EDEM2: variants seen among roughly 807,000 people sequenced by gnomAD.
EDEM2 encodes ER degradation-enhancing alpha-mannosidase-like protein 2.
A neutral mutation model predicts 64.8 loss-of-function variants in EDEM2; 39 were observed. That is an observed-to-expected ratio of 0.60 (90% CI 0.47 to 0.79). EDEM2 has a LOEUF of 0.79. Among genes scored for constraint, EDEM2 ranks in the 30% least tolerant of loss-of-function variants. The pLI is 0.00. For synonymous variants in EDEM2, 296 were observed against 291.5 expected, an observed-to-expected ratio of 1.02 and a Z score of -0.16; for missense variants, 609 against 731.3, an observed-to-expected ratio of 0.83 and a Z score of 1.93.
intron 10 of EDEM2, chr20:35,117,199 T>C (rs1372463522): frequency 2.6e-5 from 4 of 152,216 alleles, no homozygotes; most frequent in African/African-American, 7.2e-5. Flanking sequence ...ACTATTGACA[T>C]TGTTTTAGTA....
chr20:35,131,963 C>T (rs1204747651), intron 6 of EDEM2, among the ~76,000 whole-genome samples, 180 bp from the exon 7 acceptor site: 1 of 152,206 alleles, frequency 6.6e-6, no homozygotes, highest in African/African-American at 2.4e-5. Flanking sequence ...TCCTGTACAT[C>T]TGCATAGTAG....
intron 10 of EDEM2, 21 bp downstream of exon 10, chr20:35,118,577 T>G (rs1328871713): frequency 3.7e-6 from 6 of 1,613,710 alleles, no homozygotes; most frequent in African/African-American, 1.3e-5. Context: ...TCCCAGTTCT[T>G]GGGGCCATGC....
At position 35,118,712 on chromosome 20, in the gene EDEM2, A is replaced by T. The variant is rs370512193; in HGVS notation, c.1122T>A (p.Ile374=). Residue 374 remains isoleucine, a synonymous_variant, in exon 10 of 11, where the codon ATT becomes ATA. Coordinates refer to ENST00000374492, the MANE Select transcript of EDEM2 (RefSeq NM_018217.3). ...CACGGTAGAGGTACATTGCGCTTTC[A>T]ATAAGTTCTGCAAAGTCCAAAGCAG... ...REGYPLRPEL[I]ESAMYLYRAT... 2.5e-6 allele frequency: 4 copies of T among 1,612,280 alleles called. No individual in the cohort carries two copies. The highest frequency in any genetic ancestry group is 3.4e-6 in the Non-Finnish European group (4 of 1,179,906).
At chr20:35,118,558 G>A in intron 10 of EDEM2, 40 bp downstream of exon 10, 1 of 1,613,026 alleles carries the variant, frequency 6.2e-7, no homozygotes, top group Non-Finnish European at 8.5e-7. Context: ...AGCAGCAAGG[G>A]GAGACTCTTC....
chr20:35,134,264 TCTGACTCTCC>T, intron 6 of EDEM2: 2 of 399,862 alleles, frequency 5.0e-6, no homozygotes, highest in African/African-American at 2.1e-5. Flanking sequence ...TCATGTGCAT[TCTGACTCTCC>T]AAAAAAGGGG....
At chr20:35,130,137 C>T (rs1047591766) in intron 7 of EDEM2, among the ~76,000 whole-genome samples, 15 of 152,142 alleles carry the variant, frequency 9.9e-5, no homozygotes, top group Admixed American at 4.6e-4. Context: ...GGTATGATCA[C>T]GGTTCACTGC....
At chr20:35,122,558 G>A (rs1161202903) in intron 9 of EDEM2, among the ~76,000 whole-genome samples, 1 of 152,024 alleles carries the variant, frequency 6.6e-6, no homozygotes, top group African/African-American at 2.4e-5. Flanking sequence ...ATTTTTAGTA[G>A]AGATGGGGTT....
chr20:35,139,516 G>A (rs981183600), intron 4 of EDEM2, among the ~76,000 whole-genome samples: 3 of 151,424 alleles, frequency 2.0e-5, no homozygotes, highest in African/African-American at 4.9e-5. Flanking sequence ...CGGGCATGGC[G>A]TTGTGCGCCT....
chr20:35,124,375 C>G (rs759557699), intron 8 of EDEM2, among the ~76,000 whole-genome samples: 7 of 152,110 alleles, frequency 4.6e-5, no homozygotes, highest in Non-Finnish European at 5.9e-5. Flanking sequence ...AGGCTCACTC[C>G]CACACCACAC....
intron 8 of EDEM2, 21 bp from the exon 9 acceptor site, chr20:35,124,055 C>G (rs1186563498): frequency 6.2e-7 from 1 of 1,608,040 alleles, no homozygotes; most frequent in Non-Finnish European, 8.5e-7. Flanking sequence ...AAGTGGCTGT[C>G]AGGCAGGTAG....
At chr20:35,146,989 G>C (rs1488166439) in intron 1 of EDEM2, 54 bp from the exon 2 acceptor site, 2 of 1,583,268 alleles carry the variant, frequency 1.3e-6, no homozygotes, top group Admixed American at 1.8e-5. Flanking sequence ...AACAAGCGGG[G>C]GAAGAACAAG....
rs760540517 is a variant in EDEM2 at position 35,123,985 on chromosome 20, T to C, written c.1019A>G (p.Tyr340Cys). The C allele has an allele frequency of 8.7e-6, 14 of 1,613,936 alleles. No homozygotes were observed. The highest frequency in any genetic ancestry group is 2.2e-5 in the East Asian group (1 of 44,898). ...DNAMRTFLNY[Y>C]TVWKQFGGLP... The stretch of plus-strand genomic sequence containing the variant: ...CCCCCCAAACTGCTTCCATACAGTG[T>C]AGTAGTTGAGGAAGGTCCTCATGGC... The change falls in exon 9 of 11, where the codon TAC becomes TGC. Residue 340 changes from tyrosine to cysteine, a missense_variant. Coordinates refer to ENST00000374492, the MANE Select transcript of EDEM2 (RefSeq NM_018217.3).
At position 35,140,481 on chromosome 20, in the gene EDEM2, CCAA is replaced by C. The variant is rs1400730995; in HGVS notation, c.364+1889_364+1891del. 2.0e-5 allele frequency among the ~76,000 whole-genome samples: 3 copies of C among 151,870 alleles called. No homozygotes were observed. The East Asian group carries it at 5.8e-4, about 29-fold the overall frequency. On this transcript the variant is annotated intron_variant, in intron 4 of 10. Transcript: ENST00000374492. The stretch of plus-strand genomic sequence containing the variant: ...TGGCAGAGTGAGACTCTATTTCAAA[CCAA>C]CAACAACAAAAAAAGTGGTAAATTT...
chr20:35,119,659 G>C (rs572804420), intron 9 of EDEM2, among the ~76,000 whole-genome samples: 1 of 152,066 alleles, frequency 6.6e-6, no homozygotes, highest in Admixed American at 6.6e-5. Context: ...TAACAAAGAC[G>C]TAGTCATCAG....
At chr20:35,146,653 C>T (rs775510151) in intron 2 of EDEM2, among the ~76,000 whole-genome samples, 172 bp downstream of exon 2, 49 of 152,248 alleles carry the variant, frequency 3.2e-4, no homozygotes, top group Middle Eastern at 3.4e-3. Flanking sequence ...CTGCGAGAGG[C>T]TAAGTGGATC....
chr20:35,146,029 G>C (rs935346389), intron 2 of EDEM2, among the ~76,000 whole-genome samples: 2 of 146,476 alleles, frequency 1.4e-5, no homozygotes, highest in East Asian at 2.0e-4. Flanking sequence ...AAAAAAGAGT[G>C]TATTTTATTA....
intron 9 of EDEM2, among the ~76,000 whole-genome samples, 190 bp from the exon 10 acceptor site, chr20:35,118,909 C>A (rs2085338717): frequency 6.6e-6 from 1 of 152,200 alleles, no homozygotes; most frequent in South Asian, 2.1e-4. Context: ...TCAGTGGAGA[C>A]CAGCATTAAG....
chr20:35,132,970 T>C (rs78696622), intron 6 of EDEM2, among the ~76,000 whole-genome samples: 97 of 152,286 alleles, frequency 6.4e-4, no homozygotes, highest in African/African-American at 2.3e-3. Flanking sequence ...TGCCTGAAAG[T>C]AGTTGATTTG....
intron 3 of EDEM2, among the ~76,000 whole-genome samples, chr20:35,144,124 G>C (rs1691676209): frequency 6.6e-6 from 1 of 150,942 alleles, no homozygotes; most frequent in Admixed American, 6.6e-5. Context: ...GCCCAGGCTG[G>C]TCTTGAACTC....
Sources: allele counts gnomAD v4.1 joint callset (sites outside exome capture counted in the v4.1 genomes callset), GRCh38; gene constraint gnomAD v4.1.1; transcripts MANE v1.5; gene names NCBI Gene and HGNC (gene_info 2026-07-23, HGNC 2026-07-21).